PTPRN2: variants seen among roughly 807,000 people sequenced by gnomAD.
The protein encoded by PTPRN2 is protein tyrosine phosphatase receptor type N2.
Under a neutral mutation model 118.8 loss-of-function variants are expected in PTPRN2, and 74 were observed. That is an observed-to-expected ratio of 0.62 (90% CI 0.52 to 0.76). The LOEUF (loss-of-function observed/expected upper bound fraction) is 0.76, where lower values mean the gene tolerates loss of function less well. Ranked by LOEUF, PTPRN2 falls within the 30% of genes least tolerant of loss-of-function variation. The probability of loss-of-function intolerance (pLI) is 0.00; values close to 1 mark genes in which losing one functional copy is unlikely to be tolerated. For missense variants in PTPRN2, 1,481 were observed against 1,394.4 expected (o/e 1.06, Z -0.99); for synonymous variants, 641 against 608.0 (o/e 1.05, Z -0.80).
intron 11 of PTPRN2, among the ~76,000 whole-genome samples, chr7:157,912,030 C>A (rs79875830): frequency 0.067 from 10,176 of 152,208 alleles, 1,112 homozygotes; most frequent in African/African-American, 0.23. Context: ...CCCTCCATAT[C>A]TGAAACAGTA....
chr7:157,722,206 G>A (rs1642648337), intron 12 of PTPRN2, among the ~76,000 whole-genome samples: 1 of 152,244 alleles, frequency 6.6e-6, no homozygotes, highest in Non-Finnish European at 1.5e-5. Context: ...CTTCACGGCT[G>A]GTGGGAAGAC....
intron 2 of PTPRN2, among the ~76,000 whole-genome samples, chr7:158,328,896 A>G (rs952226374): frequency 3.8e-4 from 50 of 131,476 alleles, no homozygotes; most frequent in African/African-American, 1.4e-3. Context: ...TCCTCTCGCC[A>G]CCCAGGGATC....
intron 2 of PTPRN2, among the ~76,000 whole-genome samples, chr7:158,425,865 G>T (rs368896211): frequency 6.4e-4 from 44 of 68,884 alleles, no homozygotes; most frequent in African/African-American, 1.1e-3. Flanking sequence ...AAAGACGCGG[G>T]GTCCGAGTCC....
chr7:158,533,141 C>G (rs1319287503), intron 1 of PTPRN2, among the ~76,000 whole-genome samples: 1 of 152,202 alleles, frequency 6.6e-6, no homozygotes, highest in Non-Finnish European at 1.5e-5. Context: ...CACTTCCTTC[C>G]CTAGTTTTGT....
At chr7:158,300,263 G>T (rs963931997) in intron 3 of PTPRN2, among the ~76,000 whole-genome samples, 1 of 152,158 alleles carries the variant, frequency 6.6e-6, no homozygotes, top group Admixed American at 6.5e-5. Flanking sequence ...TGACAGTCAG[G>T]CTCTACCCCT....
Position 157,909,555 on chromosome 7 carries a change from C to G in PTPRN2, c.1724-10818G>C, listed in dbSNP as rs566958128. Among the ~76,000 whole-genome samples the G allele has an allele frequency of 2.0e-5, 3 of 152,376 alleles. No homozygotes were observed. In the East Asian group the frequency reaches 5.8e-4, roughly 29 times the overall value. Reference sequence around the variant, plus strand: ...GACATCACCTCCAACAGCCCCCTCGCCCCTGCTCAGCCCCTTCAGCGCGGG... The same window carrying G: ...GACATCACCTCCAACAGCCCCCTCGGCCCTGCTCAGCCCCTTCAGCGCGGG... On this transcript the variant is annotated intron_variant, in intron 11 of 22. Transcript: ENST00000389418.
chr7:157,728,476 C>T (rs562558985), intron 12 of PTPRN2, among the ~76,000 whole-genome samples: 28 of 152,306 alleles, frequency 1.8e-4, no homozygotes, highest in Non-Finnish European at 3.5e-4. Flanking sequence ...GTCTGCATCC[C>T]GGGGCCCTTG....
intron 12 of PTPRN2, among the ~76,000 whole-genome samples, chr7:157,852,197 C>T (rs1001161338): frequency 1.1e-4 from 17 of 152,186 alleles, no homozygotes; most frequent in African/African-American, 3.9e-4. Context: ...CAAAAAAGTT[C>T]CAAAATGTTG....
In PTPRN2 at chr7:157,719,221, G is replaced by A. The variant is rs144292188; in HGVS notation, c.1789-36284C>T. ...GCCCTGTGTGGCCGCAGGTGGTCAC[G>A]GAAGCCCCACCTGAGCTTCCAGGCC... On this transcript the variant is annotated intron_variant, in intron 12 of 22. Transcript: ENST00000389418. 2.4e-3 allele frequency among the ~76,000 whole-genome samples: 363 copies of A among 152,258 alleles called. 2 individuals are homozygous for A. The highest frequency in any genetic ancestry group is 8.2e-3 in the African/African-American group (339 of 41,546).
chr7:158,348,793 TC>T (rs2151259395), intron 2 of PTPRN2, among the ~76,000 whole-genome samples: 1 of 152,236 alleles, frequency 6.6e-6, no homozygotes, highest in East Asian at 1.9e-4. Context: ...ACTCATTCCA[TC>T]CCCATCCTGG....
chr7:157,792,840 G>A (rs1449290160), intron 12 of PTPRN2, among the ~76,000 whole-genome samples: 1 of 152,156 alleles, frequency 6.6e-6, no homozygotes, highest in Non-Finnish European at 1.5e-5. Flanking sequence ...CTACAGCGTG[G>A]CTGGTCATTT....
chr7:157,643,755 AG>A (rs1320842111), intron 14 of PTPRN2, among the ~76,000 whole-genome samples: 1 of 152,238 alleles, frequency 6.6e-6, no homozygotes, highest in Non-Finnish European at 1.5e-5. Context: ...GGCTCCAGCC[AG>A]GAAGTGTGAG....
intron 2 of PTPRN2, among the ~76,000 whole-genome samples, chr7:158,451,255 C>G (rs1376923852): frequency 6.6e-6 from 1 of 152,172 alleles, no homozygotes; most frequent in Non-Finnish European, 1.5e-5. Flanking sequence ...GGTTACATGT[C>G]ATTTACATGT....
At chr7:158,498,585 C>T (rs1447006107) in intron 1 of PTPRN2, among the ~76,000 whole-genome samples, 4 of 152,140 alleles carry the variant, frequency 2.6e-5, no homozygotes, top group African/African-American at 2.4e-5. Context: ...GTTTTTTGTC[C>T]TCGATTTCCT....
intron 1 of PTPRN2, among the ~76,000 whole-genome samples, chr7:158,494,696 G>A (rs571862386): frequency 1.3e-5 from 2 of 152,288 alleles, no homozygotes; most frequent in Admixed American, 1.3e-4. Flanking sequence ...TTCCCAGACA[G>A]CACCAACACA....
chr7:158,167,282 G>C lies in PTPRN2; in HGVS notation c.559C>G (p.Arg187Gly). 1 of 1,597,992 alleles carries C rather than the reference G, an allele frequency of 6.3e-7. No homozygotes were observed. Among genetic ancestry groups the C allele is most frequent in the Non-Finnish European group, 8.5e-7 (1 of 1,171,806 alleles). ...QDRPPAEGDD[R>G]FSESILTYVA... is the part of the protein sequence containing the mutation. ...TAGGTCAGGATGCTCTCGGAGAAGC[G>C]GTCATCACCCTGAAGGAAAGGAGAG... is the stretch of plus-strand genomic sequence containing the variant. Residue 187 changes from arginine to glycine, a missense_variant, in exon 6 of 23, where the codon CGC becomes GGC. By Grantham distance (125) the Arg-to-Gly change is moderately radical. Around this residue, in one of 3 missense-constraint regions of PTPRN2, gnomAD observed 1,115 missense variants for 994.2 expected, o/e 1.12. Transcript: ENST00000389418.
intron 12 of PTPRN2, among the ~76,000 whole-genome samples, chr7:157,755,925 C>A (rs1801752747): frequency 6.6e-6 from 1 of 152,216 alleles, no homozygotes; most frequent in Non-Finnish European, 1.5e-5. Flanking sequence ...CCATTGGTCA[C>A]AGGCCCTTCC....
At chr7:158,059,799 G>A (rs890837758) in intron 11 of PTPRN2, among the ~76,000 whole-genome samples, 2 of 123,258 alleles carry the variant, frequency 1.6e-5, no homozygotes, top group East Asian at 2.7e-4. Context: ...ATCTGCCCAC[G>A]GTGAGACATC....
chr7:157,982,044 C>T (rs1334056375), intron 11 of PTPRN2, among the ~76,000 whole-genome samples: 5 of 149,628 alleles, frequency 3.3e-5, no homozygotes, highest in Non-Finnish European at 7.5e-5. Context: ...CCCCCCAAAC[C>T]CCAAATCATA....
Sources: gnomAD v4.1 joint callset for allele counts (sites outside exome capture counted in the v4.1 genomes callset) on GRCh38, gnomAD v4.1.1 for gene constraint, gnomAD v4.1.1 regional missense constraint, MANE v1.5 for transcripts, NCBI Gene and HGNC (gene_info 2026-07-23, HGNC 2026-07-21) for gene names.